Variants in CASQ2 observed in about 807,000 individuals in gnomAD.
CASQ2 encodes the protein calsequestrin-2.
Under a neutral mutation model 46.5 loss-of-function variants are expected in CASQ2, and 49 were observed. The observed-to-expected ratio is 1.05, with a 90% CI of 0.84 to 1.34. The LOEUF (loss-of-function observed/expected upper bound fraction) is 1.34, where lower values mean the gene tolerates loss of function less well. Among genes scored for constraint, CASQ2 ranks in the 40% most tolerant of loss-of-function variants. The pLI, the probability that CASQ2 is intolerant of heterozygous loss-of-function variation, is 0.00. For missense variants in CASQ2, 486 were observed against 481.3 expected, an observed-to-expected ratio of 1.01 and a Z score of -0.09; for synonymous variants, 174 against 168.5, an observed-to-expected ratio of 1.03 and a Z score of -0.25.
At chr1:115,759,358 A>G (rs1648864369) in intron 1 of CASQ2, among the ~76,000 whole-genome samples, 1 of 152,218 alleles carries the variant, frequency 6.6e-6, no homozygotes, top group African/African-American at 2.4e-5. Context: ...ATGAGAACAA[A>G]TTAGTTTCTG....
Position 115,701,012 on chromosome 1 carries a change from T to C in CASQ2, c.*229A>G. 1 of 657,276 alleles carries C rather than the reference T, an allele frequency of 1.5e-6. No homozygotes were observed. Among genetic ancestry groups the C allele is most frequent in the Non-Finnish European group, 2.7e-6 (1 of 369,294 alleles). 40.7% of individuals were successfully genotyped at this position (657,276 alleles called of 1,614,324 possible). On this transcript the variant is annotated 3_prime_UTR_variant, in exon 11 of 11. Transcript: ENST00000261448. ...ATCTGTTCCGTGACAGTCAAGACAG[T>C]CAACATGGGAATAATTTTTCTCCTG...
intron 3 of CASQ2, among the ~76,000 whole-genome samples, chr1:115,740,027 C>T (rs1648125484): frequency 6.6e-6 from 1 of 152,152 alleles, no homozygotes; most frequent in Admixed American, 6.5e-5. Flanking sequence ...CTGACCTTCC[C>T]TCTGGTTTTT....
chr1:115,756,434 G>T (rs1276296398), intron 1 of CASQ2, among the ~76,000 whole-genome samples: 1 of 152,184 alleles, frequency 6.6e-6, no homozygotes, highest in Non-Finnish European at 1.5e-5. Context: ...CATTTTGAAT[G>T]AGCACTAAAG....
chr1:115,744,714 T>TA (rs1357687905), intron 2 of CASQ2, 114 bp downstream of exon 2: 41 of 738,472 alleles, frequency 5.6e-5, no homozygotes, highest in Non-Finnish European at 9.0e-5. Context: ...CAGGATCATT[T>TA]TATATATTTT....
intron 3 of CASQ2, among the ~76,000 whole-genome samples, chr1:115,739,337 G>C (rs995958978): frequency 1.3e-5 from 2 of 151,286 alleles, no homozygotes; most frequent in African/African-American, 2.4e-5. Context: ...GGATGGTCTC[G>C]ATCTCCTGAC....
chr1:115,700,995 C>T lies in CASQ2; in HGVS notation c.*246G>A, dbSNP rs1288561213. On this transcript the variant is annotated 3_prime_UTR_variant, in exon 11 of 11. Transcript: ENST00000261448. ...GTCCAGCAAAGAACAAGATCTGTTC[C>T]GTGACAGTCAAGACAGTCAACATGG... 8 of 634,276 alleles carry T rather than the reference C, an allele frequency of 1.3e-5. No homozygotes were observed. Among genetic ancestry groups the T allele is most frequent in the Non-Finnish European group, 2.2e-5 (8 of 356,154 alleles). The allele number at this position is 634,276 out of a possible 1,614,324, so 39.3% of individuals were successfully genotyped here.
chr1:115,749,401 C>G (rs760825198), intron 1 of CASQ2, among the ~76,000 whole-genome samples: 33 of 152,114 alleles, frequency 2.2e-4, no homozygotes, highest in Non-Finnish European at 4.7e-4. Flanking sequence ...CAAATGAACT[C>G]GATTCTTTTT....
Position 115,732,919 on chromosome 1 carries a change from A to G in CASQ2, c.588T>C (p.Phe196=), listed in dbSNP as rs974066405. ...TACTTACCCCTTTGTCAAAGGTGGC[A>G]AAGAATTTGATGTAAGGCTGGAAGT... The part of the protein sequence containing the change: ...AEHFQPYIKF[F]ATFDKGVAKK... The change falls in exon 5 of 11, where the codon TTT becomes TTC. Residue 196 remains phenylalanine, a synonymous_variant. Transcript: ENST00000261448. 1 of 1,613,868 alleles carries G rather than the reference A, an allele frequency of 6.2e-7. No individual in the cohort carries two copies. Among genetic ancestry groups the G allele is most frequent in the Non-Finnish European group, 8.5e-7 (1 of 1,179,788 alleles).
At chr1:115,743,763 G>A (rs578074118) in intron 2 of CASQ2, among the ~76,000 whole-genome samples, 56 of 65,980 alleles carry the variant, frequency 8.5e-4, no homozygotes, top group African/African-American at 1.6e-3. Context: ...TTTATAACCC[G>A]CTATTTTTTT....
intron 4 of CASQ2, among the ~76,000 whole-genome samples, chr1:115,736,785 C>A (rs10737731): frequency 0.29 from 44,771 of 151,968 alleles, 7,078 homozygotes; most frequent in East Asian, 0.4. Context: ...AAGTTAATTG[C>A]ACCTTTCTGT....
intron 3 of CASQ2, 40 bp downstream of exon 3, chr1:115,740,688 G>T: frequency 8.1e-7 from 1 of 1,238,738 alleles, no homozygotes. Context: ...TATTTGAGGA[G>T]AGGCAGCTCC....
intron 1 of CASQ2, among the ~76,000 whole-genome samples, chr1:115,760,049 A>G (rs1257624285): frequency 1.3e-5 from 2 of 152,174 alleles, no homozygotes; most frequent in Non-Finnish European, 2.9e-5. Flanking sequence ...TGATTGTGTG[A>G]GTGATGGGTC....
chr1:115,717,062 C>G (rs1462498163), intron 8 of CASQ2, among the ~76,000 whole-genome samples: 2 of 152,128 alleles, frequency 1.3e-5, no homozygotes, highest in Non-Finnish European at 1.5e-5. Context: ...ACCTCCCCAC[C>G]ACCTTGGTCC....
chr1:115,725,375 T>C, intron 7 of CASQ2, 133 bp downstream of exon 7: 1 of 1,021,722 alleles, frequency 9.8e-7, no homozygotes, highest in Non-Finnish European at 1.5e-6. Context: ...TCTGTCCATG[T>C]TTCAAATACT....
At position 115,753,163 on chromosome 1, in the gene CASQ2, G is replaced by T. The variant is rs112179786; in HGVS notation, c.235-8251C>A. Among the ~76,000 whole-genome samples, 301 of 152,276 alleles carry T rather than the reference G, an allele frequency of 2.0e-3. 3 individuals carry two copies. Among genetic ancestry groups the T allele is most frequent in the African/African-American group, 7.0e-3 (291 of 41,556 alleles). ...AGTCACGGCAGTCCAGCCCAGACCC[G>T]GAGGTGCTGATCTAGGGCTCGGGGG... On this transcript the variant is annotated intron_variant, in intron 1 of 10. Coordinates refer to ENST00000261448, the MANE Select transcript of CASQ2 (RefSeq NM_001232.4).
chr1:115,757,708 C>T (rs12729460), intron 1 of CASQ2, among the ~76,000 whole-genome samples: 1 of 151,994 alleles, frequency 6.6e-6, no homozygotes, highest in Non-Finnish European at 1.5e-5. Flanking sequence ...CTAAGAATCC[C>T]ATGGCTTAAA....
Position 115,701,377 on chromosome 1 carries a change from G to A in CASQ2, c.1064C>T (p.Ala355Val), listed in dbSNP as rs2101052303. ...EIPDDDDLPT[A>V]EELEDWIEDV... is the part of the protein sequence containing the mutation. ...CTCAATCCAGTCCTCCAGCTCCTCA[G>A]CAGTTGGAAGATCGTCATCATCTGG... Residue 355 changes from alanine to valine, a missense_variant, in exon 11 of 11, where the codon GCT (alanine) becomes GTT (valine). Physicochemically the swap from Ala to Val is moderately conservative, Grantham distance 64 (BLOSUM62 0). Coordinates refer to ENST00000261448, the MANE Select transcript of CASQ2 (RefSeq NM_001232.4). 3.1e-6 allele frequency: 5 copies of A among 1,613,960 alleles called. No individual in the cohort carries two copies. The highest frequency in any genetic ancestry group is 4.2e-6 in the Non-Finnish European group (5 of 1,179,894).
At chr1:115,747,704 T>C (rs987616087) in intron 1 of CASQ2, among the ~76,000 whole-genome samples, 1 of 152,240 alleles carries the variant, frequency 6.6e-6, no homozygotes, top group Non-Finnish European at 1.5e-5. Flanking sequence ...GTTAGATTTA[T>C]ATCTAATCAG....
At chr1:115,718,877 A>G (rs1041178455) in intron 7 of CASQ2, among the ~76,000 whole-genome samples, 9 of 152,104 alleles carry the variant, frequency 5.9e-5, no homozygotes, top group Admixed American at 1.3e-4. Flanking sequence ...CACAAATGTG[A>G]TTCTCAGGAG....
Sources: allele counts gnomAD v4.1 joint callset (sites outside exome capture counted in the v4.1 genomes callset), GRCh38; gene constraint gnomAD v4.1.1; transcripts MANE v1.5; gene names NCBI Gene and HGNC (gene_info 2026-07-23, HGNC 2026-07-21).